The following XYLT1 variants were observed in gnomAD, a reference collection of about 807,000 sequenced individuals.
XYLT1 encodes beta-D-xylosyltransferase 1.
Under a neutral mutation model 91.3 loss-of-function variants are expected in XYLT1, and 36 were observed. The ratio of observed to expected loss-of-function variants is 0.39; its 90% CI spans 0.30 to 0.52. The LOEUF (loss-of-function observed/expected upper bound fraction) is 0.52, where lower values mean the gene tolerates loss of function less well. XYLT1 is among the 20% of genes least tolerant of loss of function. The probability of loss-of-function intolerance (pLI) is 0.68; values close to 1 mark genes in which losing one functional copy is unlikely to be tolerated. For synonymous variants in XYLT1, 588 were observed against 532.0 expected (o/e 1.11, Z -1.45); for missense variants, 1,242 against 1,284.5 (o/e 0.97, Z 0.51).
chr16:17,423,869 C>T (rs1353903364), intron 1 of XYLT1, among the ~76,000 whole-genome samples: 2 of 152,188 alleles, frequency 1.3e-5, no homozygotes, highest in Non-Finnish European at 2.9e-5. Flanking sequence ...CTGCCTCGGC[C>T]TCCCAAAGGA....
At chr16:17,179,707 A>C (rs1377434074) in intron 5 of XYLT1, among the ~76,000 whole-genome samples, 1 of 152,106 alleles carries the variant, frequency 6.6e-6, no homozygotes, top group Non-Finnish European at 1.5e-5. Context: ...AGAGCCACTT[A>C]CCCCTTGTAT....
rs749660012 is a variant in XYLT1, at chr16:17,201,595, C to CT, written c.914-942dup. On this transcript the variant is annotated intron_variant, in intron 3 of 11. Coordinates refer to ENST00000261381, the MANE Select transcript of XYLT1 (RefSeq NM_022166.4). ...GTTCAAGTGATTTTCCTGCCTGAGCCTCCTGAGTAGCTGAGATTACAGGCA... is the reference window on the plus strand; with the variant it reads ...GTTCAAGTGATTTTCCTGCCTGAGCCTTCCTGAGTAGCTGAGATTACAGGCA... Among the ~76,000 whole-genome samples, 493 of 152,048 alleles carry CT rather than the reference C, an allele frequency of 3.2e-3. 5 individuals are homozygous for CT. The highest frequency in any genetic ancestry group is 7.5e-3 in the Admixed American group (114 of 15,268).
chr16:17,427,254 C>T (rs2036330474), intron 1 of XYLT1, among the ~76,000 whole-genome samples: 1 of 152,236 alleles, frequency 6.6e-6, no homozygotes, highest in African/African-American at 2.4e-5. Flanking sequence ...CTCAAGACTT[C>T]TTTGCCACCA....
In XYLT1 at chr16:17,217,957, T is replaced by TA. The variant is rs10712419; in HGVS notation, c.914-17304dup. Among the ~76,000 whole-genome samples, 1,251 of 145,012 alleles carry TA rather than the reference T, an allele frequency of 8.6e-3. 21 individuals carry two copies. The highest frequency in any genetic ancestry group is 0.027 in the African/African-American group (1,069 of 39,038). On this transcript the variant is annotated intron_variant, in intron 3 of 11. Coordinates refer to ENST00000261381, the MANE Select transcript of XYLT1 (RefSeq NM_022166.4). ...GTCTTATTTTGAATAATAATAATAA[T>TA]AAAAAAAAAAAAAGACAAAAAACGT... is the stretch of plus-strand genomic sequence containing the variant.
At chr16:17,241,241 TC>T (rs2033341156) in intron 3 of XYLT1, among the ~76,000 whole-genome samples, 1 of 152,264 alleles carries the variant, frequency 6.6e-6, no homozygotes, top group Admixed American at 6.5e-5. Flanking sequence ...ATGGTGCAGT[TC>T]CTGTGTTCAC....
chr16:17,246,329 C>T (rs1243236670), intron 3 of XYLT1, among the ~76,000 whole-genome samples: 1 of 152,186 alleles, frequency 6.6e-6, no homozygotes, highest in Non-Finnish European at 1.5e-5. Context: ...GAGACCTTAG[C>T]TCCCTGTTCT....
chr16:17,400,952 C>G (rs924632434), intron 1 of XYLT1, among the ~76,000 whole-genome samples: 1 of 149,902 alleles, frequency 6.7e-6, no homozygotes, highest in Non-Finnish European at 1.5e-5. Context: ...CCAGCTCTCT[C>G]TCCTCTGTCT....
chr16:17,378,366 G>C (rs771807117), intron 1 of XYLT1, among the ~76,000 whole-genome samples: 1 of 151,840 alleles, frequency 6.6e-6, no homozygotes, highest in Non-Finnish European at 1.5e-5. Flanking sequence ...CTGTCATCTT[G>C]ATTATGTCTA....
intron 1 of XYLT1, among the ~76,000 whole-genome samples, chr16:17,437,716 A>G (rs1370516599): frequency 6.6e-6 from 1 of 152,126 alleles, no homozygotes; most frequent in Admixed American, 6.6e-5. Flanking sequence ...CCCATGCACC[A>G]ATTACAGAAA....
intron 3 of XYLT1, among the ~76,000 whole-genome samples, chr16:17,216,291 A>G (rs1434396987): frequency 6.6e-6 from 1 of 152,086 alleles, no homozygotes; most frequent in African/African-American, 2.4e-5. Flanking sequence ...AACAACTCTT[A>G]TTTACTTCTC....
At chr16:17,411,055 A>C (rs1179361391) in intron 1 of XYLT1, among the ~76,000 whole-genome samples, 1 of 152,208 alleles carries the variant, frequency 6.6e-6, no homozygotes, top group Non-Finnish European at 1.5e-5. Context: ...GGGGCCCTCG[A>C]ACCTGCCTGC....
At chr16:17,316,677 G>A (rs886799932) in intron 2 of XYLT1, among the ~76,000 whole-genome samples, 4 of 151,954 alleles carry the variant, frequency 2.6e-5, no homozygotes, top group Non-Finnish European at 5.9e-5. Flanking sequence ...GATTACAGGC[G>A]TGAGCCACAG....
chr16:17,261,670 G>A (rs2033724255), intron 2 of XYLT1, among the ~76,000 whole-genome samples: 1 of 152,152 alleles, frequency 6.6e-6, no homozygotes, highest in Non-Finnish European at 1.5e-5. Flanking sequence ...CAATCTTCAG[G>A]CTGGCTAGTG....
intron 5 of XYLT1, among the ~76,000 whole-genome samples, chr16:17,165,438 G>A (rs1278128030): frequency 6.6e-6 from 1 of 152,088 alleles, no homozygotes; most frequent in Non-Finnish European, 1.5e-5. Context: ...TGTAATCTCA[G>A]CACTTTGGGA....
At chr16:17,322,541 A>C (rs2034740315) in intron 2 of XYLT1, among the ~76,000 whole-genome samples, 1 of 152,168 alleles carries the variant, frequency 6.6e-6, no homozygotes, top group Non-Finnish European at 1.5e-5. Flanking sequence ...CCTCTAATAG[A>C]GCAATGAGCA....
At chr16:17,166,242 A>C (rs9929681) in intron 5 of XYLT1, among the ~76,000 whole-genome samples, 69,847 of 152,120 alleles carry the variant, frequency 0.46, 18,247 homozygotes, top group African/African-American at 0.71. Context: ...GCAGCTGGTG[A>C]TCATCTGTCT....
At chr16:17,447,406 A>AC (rs2036606775) in intron 1 of XYLT1, among the ~76,000 whole-genome samples, 1 of 152,206 alleles carries the variant, frequency 6.6e-6, no homozygotes. Flanking sequence ...AGCATTCTAG[A>AC]CCCTGTGCCA....
intron 10 of XYLT1, among the ~76,000 whole-genome samples, chr16:17,125,662 G>A (rs1250830302): frequency 6.6e-6 from 1 of 152,112 alleles, no homozygotes; most frequent in Non-Finnish European, 1.5e-5. Flanking sequence ...ATTGAAGGTT[G>A]TCCCCATCAA....
intron 9 of XYLT1, among the ~76,000 whole-genome samples, chr16:17,131,053 G>T (rs1337569872): frequency 6.6e-6 from 1 of 152,150 alleles, no homozygotes; most frequent in Non-Finnish European, 1.5e-5. Context: ...ACTAGAATGG[G>T]AGGGCTTTGA....
Sources: gnomAD v4.1 joint callset for allele counts (sites outside exome capture counted in the v4.1 genomes callset) on GRCh38, gnomAD v4.1.1 for gene constraint, MANE v1.5 for transcripts, NCBI Gene and HGNC (gene_info 2026-07-23, HGNC 2026-07-21) for gene names.